Variants in PREX1 observed in about 807,000 individuals in gnomAD.
PREX1 encodes the protein phosphatidylinositol 3,4,5-trisphosphate-dependent Rac exchanger 1 protein.
Under a neutral mutation model 198.3 loss-of-function variants are expected in PREX1, and 41 were observed. The ratio of observed to expected loss-of-function variants is 0.21; its 90% CI spans 0.16 to 0.27. PREX1 has a LOEUF of 0.27. PREX1 is among the 10% of genes least tolerant of loss of function. The pLI is 1.00. For synonymous variants in PREX1, 843 were observed against 887.2 expected, an observed-to-expected ratio of 0.95 and a Z score of 0.89; for missense variants, 1,620 against 2,200.7, an observed-to-expected ratio of 0.74 and a Z score of 5.28.
chr20:48,715,284 C>T (rs1424978195), intron 5 of PREX1, among the ~76,000 whole-genome samples: 2 of 152,306 alleles, frequency 1.3e-5, no homozygotes, highest in Non-Finnish European at 2.9e-5. Context: ...CAAGAGACCA[C>T]TGTTTGAATG....
At chr20:48,658,046 C>CCTGGG (rs988264879) in intron 17 of PREX1, 90 bp downstream of exon 17, 11 of 1,275,494 alleles carry the variant, frequency 8.6e-6, no homozygotes, top group Non-Finnish European at 1.2e-5. Flanking sequence ...TCCAGAATCT[C>CCTGGG]CTGGGCTGGG....
chr20:48,650,302 A>ATATC, intron 23 of PREX1, 96 bp from the exon 24 acceptor site: 1 of 1,235,270 alleles, frequency 8.1e-7, no homozygotes, highest in Non-Finnish European at 1.1e-6. Context: ...CCTAGGCCAG[A>ATATC]TGCCCCACAG....
At chr20:48,761,741 A>T (rs2090181437) in intron 1 of PREX1, among the ~76,000 whole-genome samples, 1 of 152,124 alleles carries the variant, frequency 6.6e-6, no homozygotes, top group South Asian at 2.1e-4. Flanking sequence ...CCTTCAACAG[A>T]TATTTATGCA....
intron 1 of PREX1, among the ~76,000 whole-genome samples, chr20:48,821,026 CCT>C (rs1289315074): frequency 6.6e-6 from 1 of 152,104 alleles, no homozygotes; most frequent in African/African-American, 2.4e-5. Context: ...ATGGTGAAAC[CCT>C]GTCTCTACTA....
At chr20:48,778,003 A>G (rs1412329586) in intron 1 of PREX1, among the ~76,000 whole-genome samples, 1 of 152,200 alleles carries the variant, frequency 6.6e-6, no homozygotes, top group Non-Finnish European at 1.5e-5. Flanking sequence ...GGAGTAGTAC[A>G]AAAGGGAAGG....
the PREX1 span, among the ~76,000 whole-genome samples, chr20:48,865,460 A>G: frequency 6.6e-6 from 1 of 152,322 alleles, no homozygotes; most frequent in Middle Eastern, 3.4e-3. Context: ...ATGTATTGCA[A>G]TTGAGCCCTC....
chr20:48,778,714 C>T (rs754513730), intron 1 of PREX1, among the ~76,000 whole-genome samples: 4 of 152,312 alleles, frequency 2.6e-5, no homozygotes, highest in Non-Finnish European at 5.9e-5. Context: ...ACAAATATGG[C>T]CGTTTGACTT....
chr20:48,888,010 C>T, the PREX1 span, among the ~76,000 whole-genome samples: 7 of 152,050 alleles, frequency 4.6e-5, no homozygotes. Flanking sequence ...TTGGGCCAAG[C>T]ACTGTGGGTC....
At chr20:48,873,215 C>T in the PREX1 span, among the ~76,000 whole-genome samples, 1 of 152,160 alleles carries the variant, frequency 6.6e-6, no homozygotes, top group Non-Finnish European at 1.5e-5. Context: ...AAAAGTTCAC[C>T]TCCACTGTAC....
intron 5 of PREX1, among the ~76,000 whole-genome samples, chr20:48,710,898 GA>G (rs2089927604): frequency 6.6e-6 from 1 of 152,240 alleles, no homozygotes; most frequent in South Asian, 2.1e-4. Flanking sequence ...GCAAGTGAGC[GA>G]GAGGGATGGA....
chr20:48,740,223 G>A (rs549957545), intron 3 of PREX1, among the ~76,000 whole-genome samples: 1 of 152,278 alleles, frequency 6.6e-6, no homozygotes, highest in South Asian at 2.1e-4. Flanking sequence ...GCCTGGGAAG[G>A]AGAGTGGACC....
At chr20:48,842,529 T>C in the PREX1 span, among the ~76,000 whole-genome samples, 3 of 151,704 alleles carry the variant, frequency 2.0e-5, no homozygotes, top group Non-Finnish European at 4.4e-5. Context: ...GTATATTCTC[T>C]CTCTCCAGCG....
chr20:48,828,011 G>C (rs1034811397), upstream of PREX1: 1 of 171,272 alleles, frequency 5.8e-6, no homozygotes, highest in Non-Finnish European at 1.1e-5. Context: ...GGGGCCGGGC[G>C]GCTGGGCCGG....
intron 1 of PREX1, among the ~76,000 whole-genome samples, chr20:48,783,289 T>TG (rs1473100806): frequency 3.3e-5 from 5 of 151,880 alleles, no homozygotes; most frequent in Non-Finnish European, 7.4e-5. Flanking sequence ...CTGGATGGGA[T>TG]GGTGAGACAG....
At chr20:48,753,177 T>C (rs958605192) in intron 1 of PREX1, among the ~76,000 whole-genome samples, 6 of 152,210 alleles carry the variant, frequency 3.9e-5, no homozygotes, top group African/African-American at 1.2e-4. Flanking sequence ...ATTAGTGATG[T>C]CTGCCATGGA....
chr20:48,827,742 G>T lies in PREX1; in HGVS notation c.119C>A (p.Ala40Asp). 2.3e-6 allele frequency: 3 copies of T among 1,309,968 alleles called. No homozygotes were observed. Among genetic ancestry groups the T allele is most frequent in the Non-Finnish European group, 3.0e-6 (3 of 1,014,752 alleles). 81.1% of individuals were successfully genotyped at this position (1,309,968 alleles called of 1,614,324 possible). The change falls in exon 1 of 40, where the codon GCC becomes GAC. Residue 40 changes from alanine (A) to aspartate (D), a missense_variant. Around this residue, in one of 7 missense-constraint regions of PREX1, gnomAD observed 96 missense variants for 98.7 expected, o/e 0.97. Coordinates refer to ENST00000371941, the MANE Select transcript of PREX1 (RefSeq NM_020820.4). This position sits in a 1 kb window ranked among gnomAD's most constrained non-coding sequence, Gnocchi z 4.1. ...GCGCAGCTGGCGCTCGGACTCCCGG[G>T]CGGCCGCGCACGGGCCGGGGCCGGA... ...PSSGPGPCAAARESERQLRLR... is the reference protein window; with the variant it reads ...PSSGPGPCAADRESERQLRLR...
At chr20:48,714,137 A>T (rs1248638939) in intron 5 of PREX1, among the ~76,000 whole-genome samples, 1 of 152,230 alleles carries the variant, frequency 6.6e-6, no homozygotes, top group Admixed American at 6.5e-5. Context: ...AAACTGTCAG[A>T]GAAAACACAG....
At chr20:48,817,909 C>T (rs954061231) in intron 1 of PREX1, among the ~76,000 whole-genome samples, 2 of 152,068 alleles carry the variant, frequency 1.3e-5, no homozygotes, top group Admixed American at 1.3e-4. Flanking sequence ...TGTGACATTC[C>T]AGCGAGGGAG....
At chr20:48,847,812 C>A in the PREX1 span, among the ~76,000 whole-genome samples, 1 of 152,200 alleles carries the variant, frequency 6.6e-6, no homozygotes, top group East Asian at 1.9e-4. Flanking sequence ...CAGCCCCCAT[C>A]CTTCTGATTT....
Sources: gnomAD v4.1 joint callset for allele counts (sites outside exome capture counted in the v4.1 genomes callset) on GRCh38, gnomAD v4.1.1 for gene constraint, gnomAD v4.1.1 regional missense constraint, Gnocchi (gnomAD v3.1) non-coding constraint, MANE v1.5 for transcripts, NCBI Gene and HGNC (gene_info 2026-07-23, HGNC 2026-07-21) for gene names.